Variants in SETX observed in about 807,000 individuals in gnomAD.
SETX encodes the protein helicase senataxin.
SETX carries 90 observed loss-of-function variants against 227.2 expected under a neutral mutation model. That is an observed-to-expected ratio of 0.40 (90% CI 0.33 to 0.47). The LOEUF is 0.47. SETX is among the 20% of genes least tolerant of loss of function. The pLI, the probability that SETX is intolerant of heterozygous loss-of-function variation, is 0.91. For synonymous variants in SETX, 1,210 were observed against 1,113.2 expected (o/e 1.09, Z -1.73); for missense variants, 3,052 against 3,181.5 (o/e 0.96, Z 0.98).
intron 21 of SETX, among the ~76,000 whole-genome samples, chr9:132,277,789 C>CAAAA (rs372125008): frequency 0.024 from 1,612 of 67,914 alleles, 75 homozygotes; most frequent in East Asian, 0.036. Flanking sequence ...ACCCTGTCTT[C>CAAAA]AAAAAAAAAA....
At chr9:132,324,338 T>G (rs537630948) in intron 10 of SETX, among the ~76,000 whole-genome samples, 2 of 152,302 alleles carry the variant, frequency 1.3e-5, no homozygotes, top group Non-Finnish European at 2.9e-5. Flanking sequence ...ATAAAGTACA[T>G]TGATGAAGAT....
intron 11 of SETX, among the ~76,000 whole-genome samples, chr9:132,310,378 T>C (rs1007460208): frequency 6.6e-6 from 1 of 152,234 alleles, no homozygotes; most frequent in East Asian, 1.9e-4. Context: ...CACCCTAATA[T>C]TCCACAATCT....
Position 132,300,679 on chromosome 9 carries a change from G to A in SETX, c.5499C>T (p.Leu1833=). Residue 1833 remains leucine, a synonymous_variant, in exon 12 of 26, where the codon CTC becomes CTT. Transcript: ENST00000224140. ...GAACATAACCAGAATGATATTCGTG[G>A]AGATCTTGTATGTCATTTCTCTCTG... is the stretch of plus-strand genomic sequence containing the variant. ...KDTERNDIQD[L]HEYHSGYVHK... 1.9e-6 allele frequency: 3 copies of A among 1,613,370 alleles called. No individual in the cohort carries two copies. Among genetic ancestry groups the A allele is most frequent in the Non-Finnish European group, 2.5e-6 (3 of 1,179,788 alleles).
At chr9:132,286,166 A>G (rs1178909878) in intron 18 of SETX, among the ~76,000 whole-genome samples, 1 of 142,894 alleles carries the variant, frequency 7.0e-6, no homozygotes, top group African/African-American at 2.7e-5. Flanking sequence ...CTGGTGACAG[A>G]GCAAGACTTC....
Position 132,331,460 on chromosome 9 carries a change from T to G in SETX, c.839-12A>C, listed in dbSNP as rs1179564950. The G allele has an allele frequency of 5.6e-6, 9 of 1,613,022 alleles. No homozygotes were observed. The highest frequency in any genetic ancestry group is 3.3e-5 in the Admixed American group (2 of 59,984). ...ATCCACACTATCATCTGAAATACAA[T>G]GGCACAATCGTTGAATTACTAAACA... On this transcript the variant is annotated splice_polypyrimidine_tract_variant and intron_variant, in intron 7 of 25. Coordinates refer to ENST00000224140, the MANE Select transcript of SETX (RefSeq NM_015046.7).
chr9:132,332,942 T>G (rs548340251), intron 7 of SETX, among the ~76,000 whole-genome samples: 2 of 145,428 alleles, frequency 1.4e-5, no homozygotes, highest in African/African-American at 2.6e-5. Flanking sequence ...AAGGTGTTTG[T>G]TTTTTTTTAA....
At chr9:132,276,371 T>C (rs1165558028) in intron 22 of SETX, among the ~76,000 whole-genome samples, 1 of 152,140 alleles carries the variant, frequency 6.6e-6, no homozygotes, top group Non-Finnish European at 1.5e-5. Flanking sequence ...CTTCAATGAG[T>C]GTTCCCTACT....
At position 132,279,578 on chromosome 9, in the gene SETX, G is replaced by A. The variant is rs147328607; in HGVS notation, c.6655-1321C>T. 2.2e-3 allele frequency among the ~76,000 whole-genome samples: 328 copies of A among 152,270 alleles called. 10 individuals carry two copies. In the East Asian group the frequency reaches 0.052, roughly 24 times the overall value. On this transcript the variant is annotated intron_variant, in intron 20 of 25. Transcript: ENST00000224140. The stretch of plus-strand genomic sequence containing the variant: ...ACTTGTTTCACAAACTATGGGAGTG[G>A]AAGAAAGGCATTACTTCTTAACCTA...
intron 10 of SETX, among the ~76,000 whole-genome samples, chr9:132,316,665 TC>T (rs1209207822): frequency 6.6e-6 from 1 of 152,230 alleles, no homozygotes; most frequent in African/African-American, 2.4e-5. Context: ...CCTCTAACGA[TC>T]CATCCTTTCC....
intron 11 of SETX, among the ~76,000 whole-genome samples, chr9:132,305,107 C>A (rs946512471): frequency 6.6e-6 from 1 of 152,118 alleles, no homozygotes; most frequent in Non-Finnish European, 1.5e-5. Context: ...GTAATCCCAG[C>A]ACTTTGGGAG....
chr9:132,280,382 C>G (rs1843431003), intron 20 of SETX, among the ~76,000 whole-genome samples: 1 of 152,014 alleles, frequency 6.6e-6, no homozygotes, highest in African/African-American at 2.4e-5. Flanking sequence ...ATGCCAAGGC[C>G]CTTCAATGAA....
At chr9:132,336,889 C>T (rs1450299472) in intron 5 of SETX, among the ~76,000 whole-genome samples, 5 of 152,026 alleles carry the variant, frequency 3.3e-5, no homozygotes, top group Non-Finnish European at 7.4e-5. Context: ...CTTGGCAAAA[C>T]CTTGTCTCTA....
chr9:132,330,120 G>A lies in SETX; in HGVS notation c.1478C>T (p.Ala493Val). ...QQWVEAVVKCAKLPTTAFTRS... is the reference protein window; with the variant it reads ...QQWVEAVVKCVKLPTTAFTRS... ...TGTAAACGCAGTGGTAGGAAGCTTG[G>A]CACATTTGACGACGGCTTCCACCCA... Residue 493 changes from alanine (A) to valine (V), a missense_variant, in exon 10 of 26, where the codon GCC (alanine) becomes GTC (valine). Ala to Val is a moderately conservative substitution (Grantham distance 64). This residue lies in a region of SETX where 179 missense variants were observed against 197.1 expected (regional missense o/e 0.91). Coordinates refer to ENST00000224140, the MANE Select transcript of SETX (RefSeq NM_015046.7). 6.2e-7 allele frequency: 1 copy of A among 1,613,470 alleles called. No homozygotes were observed. The highest frequency in any genetic ancestry group is 1.1e-5 in the South Asian group (1 of 91,048).
At chr9:132,318,347 G>A (rs976679536) in intron 10 of SETX, among the ~76,000 whole-genome samples, 1 of 151,946 alleles carries the variant, frequency 6.6e-6, no homozygotes, top group Admixed American at 6.6e-5. Flanking sequence ...CATGTTGTTC[G>A]GTTTGTTACT....
At chr9:132,310,103 C>T (rs1247848790) in intron 11 of SETX, among the ~76,000 whole-genome samples, 1 of 151,902 alleles carries the variant, frequency 6.6e-6, no homozygotes, top group African/African-American at 2.4e-5. Flanking sequence ...AGAAAATGAC[C>T]AAAAGCCTTG....
intron 1 of SETX, among the ~76,000 whole-genome samples, chr9:132,354,578 G>C (rs1400242293): frequency 6.6e-6 from 1 of 151,454 alleles, no homozygotes; most frequent in East Asian, 1.9e-4. Context: ...GGAGGGAACC[G>C]ACACTTTCCA....
In SETX at chr9:132,348,666, GC is replaced by G. The variant is rs370214020; in HGVS notation, c.177+585del. Among the ~76,000 whole-genome samples the G allele has an allele frequency of 2.7e-3, 411 of 152,258 alleles. 6 individuals carry two copies. Among genetic ancestry groups the G allele is most frequent in the Non-Finnish European group, 3.5e-3 (237 of 68,030 alleles). On this transcript the variant is annotated intron_variant, in intron 3 of 25. Coordinates refer to ENST00000224140, the MANE Select transcript of SETX (RefSeq NM_015046.7). ...AAGTCGGCCAGGCATGGTGGCTCAT[GC>G]CTGTAATTCCAACACTGGGGGGCCA...
At position 132,264,841 on chromosome 9, in the gene SETX, T is replaced by G. The variant is rs142303658; in HGVS notation, c.7432A>C (p.Thr2478Pro). 8.7e-6 allele frequency: 14 copies of G among 1,613,992 alleles called. No homozygotes were observed. Among genetic ancestry groups the G allele is most frequent in the Non-Finnish European group, 1.2e-5 (14 of 1,180,016 alleles). ...VLQRSLTHPP[T>P]IAPEGSRPQG... ...GGTCTGGACCCCTCTGGGGCTATGG[T>G]AGGAGGGTGAGTGAGACTTCTCTGC... is the stretch of plus-strand genomic sequence containing the variant. Residue 2478 changes from threonine to proline, a missense_variant, in exon 26 of 26, where the codon ACC becomes CCC. Coordinates refer to ENST00000224140, the MANE Select transcript of SETX (RefSeq NM_015046.7).
rs1846751089 is a variant in SETX at position 132,326,330 on chromosome 9, A to G, written c.5268T>C (p.Phe1756=). 3 of 1,601,366 alleles carry G rather than the reference A, an allele frequency of 1.9e-6. No individual in the cohort carries two copies. The East Asian group carries it at 6.7e-5, about 36-fold the overall frequency. ...AAATGAAACACATACTTACTGTTTC[A>G]AAAGTATTCAATACCATCAAAGGGA... ...VFFPLMVLNT[F]ETVAQEWLNS... The change falls in exon 10 of 26, where the codon TTT becomes TTC. Residue 1756 remains phenylalanine, a synonymous_variant. Coordinates refer to ENST00000224140, the MANE Select transcript of SETX (RefSeq NM_015046.7).
Sources: gnomAD v4.1 joint callset for allele counts (sites outside exome capture counted in the v4.1 genomes callset) on GRCh38, gnomAD v4.1.1 for gene constraint, gnomAD v4.1.1 regional missense constraint, MANE v1.5 for transcripts, NCBI Gene and HGNC (gene_info 2026-07-23, HGNC 2026-07-21) for gene names.